The following C13orf42 variants were observed in gnomAD, a reference collection of about 807,000 sequenced individuals.
C13orf42 encodes the protein chromosome 13 open reading frame 42.
chr13:51,085,211 G>T, intron 3 of C13orf42, 108 bp downstream of exon 3: 2 of 249,492 alleles, frequency 8.0e-6, no homozygotes, highest in Non-Finnish European at 1.4e-5. Flanking sequence ...ATATATATAT[G>T]AATAATATTT....
At chr13:51,166,931 T>C (rs1414784768) in intron 1 of C13orf42, among the ~76,000 whole-genome samples, 3 of 151,736 alleles carry the variant, frequency 2.0e-5, no homozygotes, top group African/African-American at 4.8e-5. Flanking sequence ...ATATAAAAAT[T>C]AGCTATGTGT....
At chr13:51,151,067 TG>T (rs762146486) in intron 1 of C13orf42, among the ~76,000 whole-genome samples, 6 of 152,182 alleles carry the variant, frequency 3.9e-5, no homozygotes, top group Non-Finnish European at 8.8e-5. Flanking sequence ...AGTCAAACAT[TG>T]TAGTAGACAG....
At chr13:51,087,069 C>G (rs1013860084) in intron 2 of C13orf42, among the ~76,000 whole-genome samples, 3 of 152,200 alleles carry the variant, frequency 2.0e-5, no homozygotes, top group Non-Finnish European at 4.4e-5. Flanking sequence ...GGCCAGTGAG[C>G]CCCCTGAATA....
chr13:51,115,336 A>G (rs1593539891), upstream of C13orf42, among the ~76,000 whole-genome samples: 1 of 152,172 alleles, frequency 6.6e-6, no homozygotes, highest in Non-Finnish European at 1.5e-5. Flanking sequence ...GGTGCCCCCT[A>G]TCGTGACTAG....
In C13orf42 at chr13:51,138,844, A is replaced by G. The variant is rs554545657; in HGVS notation, n.137-25622T>C. ...AAATGTGGAAACAACCTAAATGTCC[A>G]TTGGCAGATAAATGGATAATGAATA... On this transcript the variant is annotated intron_variant and non_coding_transcript_variant, in intron 1 of 4. Coordinates refer to the C13orf42 transcript ENST00000433280. 2.0e-5 allele frequency among the ~76,000 whole-genome samples: 3 copies of G among 152,356 alleles called. No homozygotes were observed. In the South Asian group the frequency reaches 6.2e-4, roughly 32 times the overall value.
At chr13:51,084,513 C>T (rs1566121137) in intron 3 of C13orf42, among the ~76,000 whole-genome samples, 188 bp from the exon 4 acceptor site, 1 of 152,210 alleles carries the variant, frequency 6.6e-6, no homozygotes, top group Non-Finnish European at 1.5e-5. Context: ...TTGGCCTGGC[C>T]TTGAAGGGGA....
At chr13:51,157,440 T>C (rs1228617975) in intron 1 of C13orf42, among the ~76,000 whole-genome samples, 2 of 138,614 alleles carry the variant, frequency 1.4e-5, no homozygotes, top group East Asian at 1.9e-4. Flanking sequence ...TCTCAAAAGA[T>C]AAAATAAAAT....
intron 1 of C13orf42, among the ~76,000 whole-genome samples, chr13:51,125,526 C>T (rs140791376): frequency 2.2e-4 from 33 of 152,226 alleles, no homozygotes; most frequent in African/African-American, 7.2e-4. Flanking sequence ...GGAGAGAAGC[C>T]ACACACCTCT....
intron 1 of C13orf42, among the ~76,000 whole-genome samples, chr13:51,156,203 G>A (rs549800894): frequency 5.9e-4 from 90 of 152,276 alleles, no homozygotes; most frequent in Middle Eastern, 3.4e-3. Context: ...ATAGGAGGGA[G>A]GTAGGGAGCA....
At chr13:51,086,479 T>C (rs961371374) in intron 2 of C13orf42, among the ~76,000 whole-genome samples, 2 of 151,360 alleles carry the variant, frequency 1.3e-5, no homozygotes, top group African/African-American at 4.9e-5. Flanking sequence ...TGTGAGAGTG[T>C]GTGTGTGTAA....
intron 1 of C13orf42, among the ~76,000 whole-genome samples, chr13:51,162,514 TGTGA>T (rs1191256591): frequency 2.0e-5 from 3 of 152,318 alleles, no homozygotes; most frequent in Non-Finnish European, 4.4e-5. Context: ...CAGAGAAACC[TGTGA>T]GTGTTTTTAG....
At chr13:51,095,833 A>C (rs935704295) in intron 1 of C13orf42, among the ~76,000 whole-genome samples, 1 of 151,994 alleles carries the variant, frequency 6.6e-6, no homozygotes. Flanking sequence ...GATAGTTCCA[A>C]TGTTCGTGTC....
intron 1 of C13orf42, among the ~76,000 whole-genome samples, chr13:51,099,884 C>T (rs550022499): frequency 6.6e-6 from 1 of 152,280 alleles, no homozygotes; most frequent in South Asian, 2.1e-4. Flanking sequence ...GATCATTTGG[C>T]TTTAACAAAA....
At chr13:51,093,325 T>C (rs1314656637) in intron 1 of C13orf42, among the ~76,000 whole-genome samples, 1 of 152,162 alleles carries the variant, frequency 6.6e-6, no homozygotes, top group Admixed American at 6.5e-5. Context: ...CTATAACTGG[T>C]CCTCAGATCT....
At chr13:51,141,097 T>TGG (rs1953692788) in intron 1 of C13orf42, among the ~76,000 whole-genome samples, 1 of 72,656 alleles carries the variant, frequency 1.4e-5, no homozygotes, top group African/African-American at 6.3e-5. Context: ...CGAAGGGAGG[T>TGG]GTGTGTGTGT....
intron 1 of C13orf42, among the ~76,000 whole-genome samples, chr13:51,147,105 C>T (rs1208951025): frequency 6.6e-6 from 1 of 152,222 alleles, no homozygotes; most frequent in Non-Finnish European, 1.5e-5. Context: ...CCAGGGAAGT[C>T]CCAGGTACTG....
chr13:51,148,183 GA>G (rs1222068729), intron 1 of C13orf42, among the ~76,000 whole-genome samples: 1 of 152,210 alleles, frequency 6.6e-6, no homozygotes, highest in Non-Finnish European at 1.5e-5. Flanking sequence ...GGAAGGAAAA[GA>G]AACAAGGGCC....
At chr13:51,098,313 G>A (rs920820050) in intron 1 of C13orf42, among the ~76,000 whole-genome samples, 8 of 151,796 alleles carry the variant, frequency 5.3e-5, no homozygotes, top group Non-Finnish European at 1.2e-4. Context: ...GCAACATTGT[G>A]TCAGAAAGGA....
chr13:51,123,276 A>T (rs554276504), intron 1 of C13orf42, among the ~76,000 whole-genome samples: 1 of 152,206 alleles, frequency 6.6e-6, no homozygotes, highest in Non-Finnish European at 1.5e-5. Flanking sequence ...TCTCAATCAT[A>T]TTGCATATCT....
Sources: gnomAD v4.1 joint callset for allele counts (sites outside exome capture counted in the v4.1 genomes callset) on GRCh38, gnomAD v4.1.1 for gene constraint, MANE v1.5 for transcripts, NCBI Gene and HGNC (gene_info 2026-07-23, HGNC 2026-07-21) for gene names.